The following REXO1 variants were observed in gnomAD, a reference collection of about 807,000 sequenced individuals.
REXO1 encodes REX1, RNA exonuclease 1 homolog.
A neutral mutation model predicts 102.6 loss-of-function variants in REXO1; 42 were observed. That is an observed-to-expected ratio of 0.41 (90% CI 0.32 to 0.53). The LOEUF is 0.53. Among genes scored for constraint, REXO1 ranks in the 20% least tolerant of loss-of-function variants. The pLI is 0.27. For missense variants in REXO1, 1,819 were observed against 1,732.5 expected (o/e 1.05, Z -0.89); for synonymous variants, 908 against 779.1 (o/e 1.17, Z -2.76).
intron 1 of REXO1, among the ~76,000 whole-genome samples, chr19:1,839,687 C>T (rs571549007): frequency 9.8e-5 from 15 of 152,384 alleles, no homozygotes; most frequent in African/African-American, 2.9e-4. Context: ...AGAGAGGGCA[C>T]GCAGCCTGCA....
rs768035388 is a variant in REXO1 at position 1,825,926 on chromosome 19, C to G, written c.1929G>C (p.Lys643Asn). Reference sequence around the variant, plus strand: ...GACCCGAAAGCCCCTTCTCCTCACTCTTCTCTTCCTTGGGGGGCTAAGACA... The same window carrying G: ...GACCCGAAAGCCCCTTCTCCTCACTGTTCTCTTCCTTGGGGGGCTAAGACA... ...RLARQPPKEE[K>N]SEEKGLSGLT... is the part of the protein sequence containing the mutation. The change falls in exon 3 of 16, where the codon AAG (lysine) becomes AAC (asparagine). Residue 643 changes from lysine to asparagine, a missense_variant. By Grantham distance (94) the Lys-to-Asn change is moderately conservative. Coordinates refer to ENST00000170168, the MANE Select transcript of REXO1 (RefSeq NM_020695.4). 3 of 1,600,108 alleles carry G rather than the reference C, an allele frequency of 1.9e-6. No individual in the cohort carries two copies. The highest frequency in any genetic ancestry group is 1.7e-6 in the Non-Finnish European group (2 of 1,175,716).
intron 1 of REXO1, among the ~76,000 whole-genome samples, chr19:1,840,057 C>A (rs1238784806): frequency 6.6e-6 from 1 of 152,184 alleles, no homozygotes; most frequent in Non-Finnish European, 1.5e-5. Flanking sequence ...TGACCGTTAA[C>A]AGGGTGGGGA....
chr19:1,819,799 C>A lies in REXO1; in HGVS notation c.2650+135G>T, dbSNP rs2069477902. The A allele has an allele frequency of 3.1e-6, 3 of 978,532 alleles. No individual in the cohort carries two copies. The African/African-American group carries it at 5.2e-5, about 17-fold the overall frequency. 60.6% of individuals were successfully genotyped at this position (978,532 alleles called of 1,614,324 possible). A position where few individuals can be genotyped will look rare whatever the true frequency, so the allele number is the denominator to read the frequency against. ...TGGGAACCAGGCAGCAGGCAGCCCC[C>A]CCACAGCACCGCGCTTTCCTTTTGT... On this transcript the variant is annotated intron_variant, in intron 7 of 15. Coordinates refer to ENST00000170168, the MANE Select transcript of REXO1 (RefSeq NM_020695.4).
intron 1 of REXO1, among the ~76,000 whole-genome samples, chr19:1,832,371 G>A (rs1030190880): frequency 2.0e-5 from 3 of 152,200 alleles, no homozygotes; most frequent in Non-Finnish European, 4.4e-5. Flanking sequence ...CAGCCTCACC[G>A]GGTGATGAAA....
chr19:1,815,665 T>TA lies in REXO1; in HGVS notation c.*400dup, dbSNP rs1288070900. The TA allele has an allele frequency of 4.0e-6, 5 of 1,236,614 alleles. No individual in the cohort carries two copies. The highest frequency in any genetic ancestry group is 3.4e-4 in the Middle Eastern group (1 of 2,920). The allele number at this position is 1,236,614 out of a possible 1,614,324, so 76.6% of individuals were successfully genotyped here. A position where few individuals can be genotyped will look rare whatever the true frequency, so the allele number is the denominator to read the frequency against. On this transcript the variant is annotated 3_prime_UTR_variant, in exon 16 of 16. Coordinates refer to ENST00000170168, the MANE Select transcript of REXO1 (RefSeq NM_020695.4). The surrounding 1 kb of genome is among the most constrained non-coding windows in gnomAD (Gnocchi z 4.0). ...AAATAATAAAAATAACAATACAAAA[T>TA]AAAAAAAGACTGTCTCAAACAAACC...
chr19:1,825,330 AAAAC>A (rs933495078), intron 3 of REXO1, among the ~76,000 whole-genome samples: 5 of 150,754 alleles, frequency 3.3e-5, no homozygotes, highest in South Asian at 2.1e-4. Flanking sequence ...AAACAACCAA[AAAAC>A]AAACAAACAG....
Position 1,815,721 on chromosome 19 carries a change from G to C in REXO1, c.*345C>G. On this transcript the variant is annotated 3_prime_UTR_variant, in exon 16 of 16. Transcript: ENST00000170168. This position sits in a 1 kb window ranked among gnomAD's most constrained non-coding sequence, Gnocchi z 4.0. The stretch of plus-strand genomic sequence containing the variant: ...CAAGCCCGCCCCGCGACCCACGTGA[G>C]GAGCAGAGGTGCCGGCCACCACCCG... 7.2e-7 allele frequency: 1 copy of C among 1,386,094 alleles called. No individual in the cohort carries two copies. Among genetic ancestry groups the C allele is most frequent in the Non-Finnish European group, 9.4e-7 (1 of 1,066,858 alleles). 85.9% of individuals were successfully genotyped at this position (1,386,094 alleles called of 1,614,324 possible). A position where few individuals can be genotyped will look rare whatever the true frequency, so the allele number is the denominator to read the frequency against.
rs758239457 is a variant in REXO1, at chr19:1,828,107, G to A, written c.682C>T (p.Pro228Ser). 1 of 1,612,996 alleles carries A rather than the reference G, an allele frequency of 6.2e-7. No homozygotes were observed. Among genetic ancestry groups the A allele is most frequent in the Non-Finnish European group, 8.5e-7 (1 of 1,179,824 alleles). The change falls in exon 2 of 16, where the codon CCA becomes TCA. Residue 228 changes from proline (P) to serine (S), a missense_variant. Transcript: ENST00000170168. ...GGGTCATACTCCAGGTCTGTGGGTG[G>A]CCTGGAGTTGTCCACCACGTACTTG... ...SGKYVVDNSR[P>S]PTDLEYDPLS...
chr19:1,839,131 C>T (rs1049262589), intron 1 of REXO1, among the ~76,000 whole-genome samples: 6 of 152,016 alleles, frequency 3.9e-5, no homozygotes, highest in South Asian at 2.1e-4. Flanking sequence ...CGGCGTGCTC[C>T]TGTAATCCCA....
At position 1,821,554 on chromosome 19, in the gene REXO1, T is replaced by C. The variant is rs150815909; in HGVS notation, c.2359A>G (p.Ile787Val). The C allele has an allele frequency of 1.1e-5, 17 of 1,613,592 alleles. No individual in the cohort carries two copies. In the African/African-American group the frequency reaches 1.9e-4, roughly 18 times the overall value. ...GGACTGTGGGCGATTCGCTTAGGGA[T>C]GATGGTGGTGGTAGTCTTGGACGCC... is the stretch of plus-strand genomic sequence containing the variant. Reference protein sequence around the residue: ...GMASKTTTTIIPKRIAHSPSL... With the variant: ...GMASKTTTTIVPKRIAHSPSL... The change falls in exon 5 of 16, where the codon ATC (isoleucine) becomes GTC (valine). Residue 787 changes from isoleucine to valine, a missense_variant. Physicochemically the swap from Ile to Val is conservative, Grantham distance 29. Coordinates refer to ENST00000170168, the MANE Select transcript of REXO1 (RefSeq NM_020695.4).
chr19:1,846,636 C>G (rs1183261895), intron 1 of REXO1, among the ~76,000 whole-genome samples: 2 of 152,312 alleles, frequency 1.3e-5, no homozygotes, highest in South Asian at 4.1e-4. Flanking sequence ...CACCTGTAAC[C>G]CCAGCACTTT....
intron 1 of REXO1, among the ~76,000 whole-genome samples, chr19:1,847,349 CAG>C (rs2011589899): frequency 6.6e-6 from 1 of 152,202 alleles, no homozygotes; most frequent in Non-Finnish European, 1.5e-5. Flanking sequence ...AAAGTAAAAA[CAG>C]TGCTTGAAAC....
Position 1,828,637 on chromosome 19 carries a change from G to A in REXO1, c.158-6C>T, listed in dbSNP as rs1365581674. The A allele has an allele frequency of 6.3e-7, 1 of 1,594,758 alleles. No homozygotes were observed. Among genetic ancestry groups the A allele is most frequent in the Admixed American group, 1.7e-5 (1 of 59,606 alleles). On this transcript the variant is annotated splice_polypyrimidine_tract_variant and splice_region_variant and intron_variant, in intron 1 of 15. Coordinates refer to ENST00000170168, the MANE Select transcript of REXO1 (RefSeq NM_020695.4). Reference sequence around the variant, plus strand: ...GTAGGGGTCGTAACCCAGCCCTGAAGGGAACAGAGAGCACAGCTGTGACCA... The same window carrying A: ...GTAGGGGTCGTAACCCAGCCCTGAAAGGAACAGAGAGCACAGCTGTGACCA...
At chr19:1,829,939 G>C (rs978065770) in intron 1 of REXO1, among the ~76,000 whole-genome samples, 4 of 152,190 alleles carry the variant, frequency 2.6e-5, no homozygotes, top group African/African-American at 7.2e-5. Context: ...GCTGTGCCTG[G>C]CTTAAAGCAC....
intron 1 of REXO1, among the ~76,000 whole-genome samples, chr19:1,840,031 A>C (rs956274605): frequency 5.3e-5 from 8 of 152,128 alleles, no homozygotes; most frequent in East Asian, 1.9e-4. Context: ...GTCTCAGAAA[A>C]ATGGACTGTG....
intron 15 of REXO1, 35 bp from the exon 16 acceptor site, chr19:1,816,189 C>A (rs562400060): frequency 6.4e-7 from 1 of 1,564,538 alleles, no homozygotes; most frequent in South Asian, 1.2e-5. Context: ...CCGGCCCCTG[C>A]GCAGGGACGG....
chr19:1,821,717 G>A, intron 4 of REXO1, 35 bp from the exon 5 acceptor site: 6 of 1,582,006 alleles, frequency 3.8e-6, no homozygotes, highest in East Asian at 2.3e-5. Flanking sequence ...CACAGGGCGA[G>A]TGGCTGCCCA....
Position 1,816,123 on chromosome 19 carries a change from G to A in REXO1, c.3609C>T (p.Gly1203=), listed in dbSNP as rs368517238. 7.7e-6 allele frequency: 12 copies of A among 1,549,770 alleles called. No homozygotes were observed. Among genetic ancestry groups the A allele is most frequent in the South Asian group, 4.8e-5 (4 of 84,148 alleles). ...TCCAGATCACCAGGTGCATGCAGGC[G>A]CCGGCGTCCTCGCTGGAGCTGTGCC... is the stretch of plus-strand genomic sequence containing the variant. The part of the protein sequence containing the change: ...VDGHSSSEDA[G]ACMHLVIWKV... Residue 1203 remains glycine, a synonymous_variant, in exon 16 of 16, where the codon GGC becomes GGT. Coordinates refer to ENST00000170168, the MANE Select transcript of REXO1 (RefSeq NM_020695.4).
In REXO1 at chr19:1,818,550, GAC is replaced by G; in HGVS notation, c.2946_2947del (p.Ser983LeufsTer59). ...GTCCCGGATGCAGCGGCCTGAAGAG[GAC>G]ACGAGGTACTCGGTGCCACAGCGGC... On this transcript the variant is annotated frameshift_variant, in exon 10 of 16. Transcript: ENST00000170168. LOFTEE classifies it high-confidence loss of function. 6.2e-7 allele frequency: 1 copy of G among 1,612,170 alleles called. No individual in the cohort carries two copies. Among genetic ancestry groups the G allele is most frequent in the Non-Finnish European group, 8.5e-7 (1 of 1,179,738 alleles).
Sources: gnomAD v4.1 joint callset for allele counts (sites outside exome capture counted in the v4.1 genomes callset) on GRCh38, gnomAD v4.1.1 for gene constraint, Gnocchi (gnomAD v3.1) non-coding constraint, MANE v1.5 for transcripts, NCBI Gene and HGNC (gene_info 2026-07-23, HGNC 2026-07-21) for gene names.